The following RBFOX1 variants were observed in gnomAD, a reference collection of about 807,000 sequenced individuals.
The protein encoded by RBFOX1 is RNA binding protein fox-1 homolog 1.
Under a neutral mutation model 57.7 loss-of-function variants are expected in RBFOX1, and 8 were observed. That is an observed-to-expected ratio of 0.14 (90% CI 0.08 to 0.25). RBFOX1 has a LOEUF of 0.25. Among genes scored for constraint, RBFOX1 ranks in the 10% least tolerant of loss-of-function variants. The pLI is 1.00. For missense variants in RBFOX1, 611 were observed against 548.5 expected, an observed-to-expected ratio of 1.11 and a Z score of -1.14; for synonymous variants, 326 against 222.4, an observed-to-expected ratio of 1.47 and a Z score of -4.15.
At chr16:6,461,934 C>G (rs1249038403) in intron 2 of RBFOX1, among the ~76,000 whole-genome samples, 4 of 152,070 alleles carry the variant, frequency 2.6e-5, no homozygotes, top group Admixed American at 2.0e-4. Flanking sequence ...GTGGGGCAAG[C>G]TTTGACTGGA....
chr16:5,617,439 A>G (rs968548442), intron 3 of RBFOX1, among the ~76,000 whole-genome samples: 1 of 152,166 alleles, frequency 6.6e-6, no homozygotes, highest in Non-Finnish European at 1.5e-5. Flanking sequence ...CAAAAACCCC[A>G]GAAGCTGTTT....
At chr16:5,503,473 G>T (rs1258476280) in intron 2 of RBFOX1, among the ~76,000 whole-genome samples, 2 of 152,218 alleles carry the variant, frequency 1.3e-5, no homozygotes, top group Non-Finnish European at 2.9e-5. Flanking sequence ...GTCTTGCTCT[G>T]TCGCCCAGGC....
chr16:6,282,210 A>T (rs981147427), intron 1 of RBFOX1, among the ~76,000 whole-genome samples: 3 of 152,114 alleles, frequency 2.0e-5, no homozygotes, highest in Non-Finnish European at 2.9e-5. Flanking sequence ...AGCATGCTTG[A>T]TCTCTGAGAC....
intron 4 of RBFOX1, among the ~76,000 whole-genome samples, chr16:7,331,936 A>C (rs754300716): frequency 1.3e-5 from 2 of 152,170 alleles, no homozygotes; most frequent in Non-Finnish European, 2.9e-5. Context: ...CTGTGCTTGA[A>C]TGTATTTTTT....
chr16:6,871,504 C>G (rs1036680911), intron 3 of RBFOX1, among the ~76,000 whole-genome samples: 13 of 152,000 alleles, frequency 8.6e-5, no homozygotes, highest in Non-Finnish European at 1.3e-4. Context: ...ACTCTTGACT[C>G]TTTCCTCTCC....
rs959367131 is a variant in RBFOX1 at position 7,712,290 on chromosome 16, A to C, written c.*1545A>C. ...TGCCATAGGTTAAGTCCTCATGTGT[A>C]CAGTGCAGGCCCTGTGGCCCGCACT... On this transcript the variant is annotated 3_prime_UTR_variant, in exon 16 of 16. Transcript: ENST00000550418. 9 of 152,650 alleles carry C rather than the reference A, an allele frequency of 5.9e-5. No individual in the cohort carries two copies. The highest frequency in any genetic ancestry group is 1.0e-4 in the Non-Finnish European group (7 of 68,050). 9.5% of individuals were successfully genotyped at this position (152,650 alleles called of 1,614,324 possible).
chr16:6,521,652 G>A (rs1043670309), intron 2 of RBFOX1, among the ~76,000 whole-genome samples: 1 of 151,868 alleles, frequency 6.6e-6, no homozygotes, highest in African/African-American at 2.4e-5. Context: ...ATACTTGTAG[G>A]CTAGCTTAGG....
intron 1 of RBFOX1, among the ~76,000 whole-genome samples, chr16:6,225,153 G>A (rs903288446): frequency 6.6e-6 from 1 of 151,926 alleles, no homozygotes; most frequent in African/African-American, 2.4e-5. Flanking sequence ...GAGTTTGAAG[G>A]TGATCTTTAA....
intron 1 of RBFOX1, among the ~76,000 whole-genome samples, chr16:6,265,764 G>A (rs2074405123): frequency 6.6e-6 from 1 of 152,106 alleles, no homozygotes; most frequent in Non-Finnish European, 1.5e-5. Context: ...TTTAGCTTCA[G>A]CCTTTTTGAA....
intron 2 of RBFOX1, among the ~76,000 whole-genome samples, chr16:6,494,754 C>G (rs765855777): frequency 6.6e-6 from 1 of 152,122 alleles, no homozygotes; most frequent in Non-Finnish European, 1.5e-5. Context: ...ATATGTTGCA[C>G]CCATTGGAAG....
chr16:5,853,620 A>T (rs1339348946), intron 3 of RBFOX1, among the ~76,000 whole-genome samples: 6 of 152,198 alleles, frequency 3.9e-5, no homozygotes, highest in Non-Finnish European at 8.8e-5. Context: ...GGTTTGAATG[A>T]GCCCTCAGAA....
chr16:6,317,834 A>C (rs114350781), intron 2 of RBFOX1, among the ~76,000 whole-genome samples: 2,075 of 152,288 alleles, frequency 0.014, 44 homozygotes, highest in African/African-American at 0.048. Flanking sequence ...TAATAATTTA[A>C]TTATAAATAT....
intron 3 of RBFOX1, among the ~76,000 whole-genome samples, chr16:7,017,262 G>C (rs1042230864): frequency 6.6e-6 from 1 of 152,116 alleles, no homozygotes; most frequent in African/African-American, 2.4e-5. Context: ...GCTGTGCTCT[G>C]CCAAGGCCCA....
At chr16:7,182,705 T>C (rs2082963471) in intron 4 of RBFOX1, among the ~76,000 whole-genome samples, 1 of 152,030 alleles carries the variant, frequency 6.6e-6, no homozygotes, top group South Asian at 2.1e-4. Flanking sequence ...AGGAAAGGGA[T>C]CAGCACCCTG....
chr16:7,473,530 T>C (rs536800613), intron 4 of RBFOX1, among the ~76,000 whole-genome samples: 5 of 149,130 alleles, frequency 3.4e-5, no homozygotes, highest in African/African-American at 1.2e-4. Context: ...ATAATATATA[T>C]AAAGGACCTT....
chr16:6,331,402 G>T (rs1007775508), intron 2 of RBFOX1, among the ~76,000 whole-genome samples: 3 of 151,838 alleles, frequency 2.0e-5, no homozygotes, highest in Non-Finnish European at 2.9e-5. Flanking sequence ...AGCCAAGTTC[G>T]CACCACTGCA....
At chr16:7,515,642 T>G (rs1232709265) in intron 4 of RBFOX1, among the ~76,000 whole-genome samples, 4 of 152,216 alleles carry the variant, frequency 2.6e-5, no homozygotes, top group East Asian at 1.9e-4. Flanking sequence ...GTAAAGCTGT[T>G]AAAATATGGG....
intron 3 of RBFOX1, among the ~76,000 whole-genome samples, chr16:5,854,343 C>T (rs971675151): frequency 6.6e-6 from 1 of 152,350 alleles, no homozygotes; most frequent in East Asian, 1.9e-4. Flanking sequence ...TATTTCTTCT[C>T]ACCTCCGGTG....
chr16:6,381,442 C>T (rs1484544698), intron 2 of RBFOX1, among the ~76,000 whole-genome samples: 1 of 152,112 alleles, frequency 6.6e-6, no homozygotes, highest in African/African-American at 2.4e-5. Context: ...TAAAATGCAA[C>T]GGGCTTGATG....
Sources: gnomAD v4.1 joint callset for allele counts (sites outside exome capture counted in the v4.1 genomes callset) on GRCh38, gnomAD v4.1.1 for gene constraint, MANE v1.5 for transcripts, NCBI Gene and HGNC (gene_info 2026-07-23, HGNC 2026-07-21) for gene names.